CDH18: variants seen among roughly 807,000 people sequenced by gnomAD.
The protein encoded by CDH18 is cadherin 18.
In CDH18, 31 loss-of-function variants were observed where a neutral mutation model predicts 67.9. The ratio of observed to expected loss-of-function variants is 0.46; its 90% CI spans 0.34 to 0.62. The LOEUF is 0.62. Among genes scored for constraint, CDH18 ranks in the 20% least tolerant of loss-of-function variants. The pLI is 0.01. For synonymous variants in CDH18, 362 were observed against 347.2 expected (o/e 1.04, Z -0.48); for missense variants, 890 against 975.5 (o/e 0.91, Z 1.17).
intron 2 of CDH18, among the ~76,000 whole-genome samples, chr5:19,909,410 C>T (rs1023760836): frequency 2.0e-5 from 3 of 150,934 alleles, no homozygotes; most frequent in African/African-American, 7.3e-5. Flanking sequence ...AGTGATTCTC[C>T]TGACTCAGCC....
At chr5:20,432,954 T>C (rs1189733810) in intron 1 of CDH18, among the ~76,000 whole-genome samples, 2 of 148,826 alleles carry the variant, frequency 1.3e-5, no homozygotes, top group African/African-American at 4.9e-5. Context: ...ACATATATAA[T>C]GTATATTTTA....
rs141152727 is a variant in CDH18 at position 19,756,353 on chromosome 5, G to A, written c.229-9117C>T. Among the ~76,000 whole-genome samples the A allele has an allele frequency of 1.9e-3, 294 of 152,332 alleles. 4 individuals are homozygous for A. The highest frequency in any genetic ancestry group is 6.8e-3 in the African/African-American group (284 of 41,578). On this transcript the variant is annotated intron_variant, in intron 3 of 12. Coordinates refer to ENST00000382275, the MANE Select transcript of CDH18 (RefSeq NM_004934.5). ...AGTCCCCATTGCTGCAGATGGTCAC[G>A]TGGTCGTAGCTGGTATTGATGACTA...
intron 5 of CDH18, among the ~76,000 whole-genome samples, chr5:19,629,883 T>C (rs1445085931): frequency 6.6e-6 from 1 of 152,154 alleles, no homozygotes; most frequent in African/African-American, 2.4e-5. Context: ...GAAAAAAATT[T>C]GTAGAAGAAA....
chr5:19,520,716 G>A lies in CDH18; in HGVS notation c.1453C>T (p.Pro485Ser). Reference protein sequence around the residue: ...GIRVLDVNDNPPELAREYDII... With the variant: ...GIRVLDVNDNSPELAREYDII... ...TCATATTCCCTGGCAAGTTCGGGTG[G>A]ATTGTCATTGACATCCAGAACTCTA... The change falls in exon 10 of 13, where the codon CCA (proline) becomes TCA (serine). Residue 485 changes from proline (P) to serine (S), a missense_variant. Transcript: ENST00000382275. The A allele has an allele frequency of 6.2e-7, 1 of 1,613,224 alleles. No individual in the cohort carries two copies. Among genetic ancestry groups the A allele is most frequent in the Non-Finnish European group, 8.5e-7 (1 of 1,179,374 alleles).
At chr5:19,660,589 C>T (rs979324136) in intron 5 of CDH18, among the ~76,000 whole-genome samples, 2 of 152,040 alleles carry the variant, frequency 1.3e-5, no homozygotes, top group African/African-American at 4.8e-5. Context: ...ATATACATTT[C>T]GGGCTGTACT....
intron 5 of CDH18, among the ~76,000 whole-genome samples, chr5:19,669,117 A>T (rs1203382014): frequency 1.4e-5 from 2 of 146,956 alleles, no homozygotes; most frequent in Admixed American, 6.9e-5. Flanking sequence ...TATATATATA[A>T]TATATATTAT....
intron 5 of CDH18, among the ~76,000 whole-genome samples, chr5:19,706,057 G>A (rs983183720): frequency 1.1e-4 from 17 of 152,140 alleles, no homozygotes; most frequent in African/African-American, 2.9e-4. Flanking sequence ...AGTGGAGCTC[G>A]TAGCTGTAAT....
Position 20,505,362 on chromosome 5 carries a change from C to A in CDH18, c.-580+70100G>T, listed in dbSNP as rs144179746. Among the ~76,000 whole-genome samples, 308 of 152,198 alleles carry A rather than the reference C, an allele frequency of 2.0e-3. 1 individual carries two copies. Among genetic ancestry groups the A allele is most frequent in the African/African-American group, 6.9e-3 (286 of 41,518 alleles). On this transcript the variant is annotated intron_variant, in intron 1 of 14. Coordinates refer to the CDH18 transcript ENST00000507958. ...AGTATAGTGTTCAATTTAACATTTT[C>A]TATATATCAGATTAAGATGGCATAT...
At chr5:19,645,799 G>A (rs1030708197) in intron 5 of CDH18, among the ~76,000 whole-genome samples, 14 of 152,194 alleles carry the variant, frequency 9.2e-5, no homozygotes, top group Admixed American at 3.3e-4. Context: ...CAACGCTATC[G>A]ATGAGGTGAG....
At chr5:20,148,150 G>C (rs933179970) in intron 2 of CDH18, among the ~76,000 whole-genome samples, 1 of 150,846 alleles carries the variant, frequency 6.6e-6, no homozygotes, top group Non-Finnish European at 1.5e-5. Flanking sequence ...GGAGTGTAGC[G>C]GTGCGATCTT....
At chr5:19,927,008 C>G (rs12517892) in intron 2 of CDH18, among the ~76,000 whole-genome samples, 64,832 of 151,906 alleles carry the variant, frequency 0.43, 16,376 homozygotes, top group Middle Eastern at 0.64. Flanking sequence ...AGAATTGCTA[C>G]AGAATTGTTT....
intron 5 of CDH18, among the ~76,000 whole-genome samples, chr5:19,630,258 A>T (rs917148261): frequency 5.3e-5 from 8 of 152,090 alleles, no homozygotes; most frequent in East Asian, 1.9e-4. Context: ...TAGATTTTTT[A>T]AATTTTTTAT....
chr5:19,708,486 T>C (rs1376885554), intron 5 of CDH18, among the ~76,000 whole-genome samples: 1 of 152,064 alleles, frequency 6.6e-6, no homozygotes, highest in African/African-American at 2.4e-5. Flanking sequence ...GGCCCCCAAA[T>C]CTGGCCATAA....
chr5:20,245,112 T>G (rs1384956567), intron 2 of CDH18, among the ~76,000 whole-genome samples: 1 of 152,130 alleles, frequency 6.6e-6, no homozygotes, highest in Admixed American at 6.5e-5. Flanking sequence ...ATGGCTTTTC[T>G]TTTCCTTGCA....
chr5:20,574,787 A>G (rs1336515687), intron 1 of CDH18, among the ~76,000 whole-genome samples: 3 of 152,190 alleles, frequency 2.0e-5, no homozygotes, highest in Non-Finnish European at 4.4e-5. Flanking sequence ...CAAAACATTA[A>G]TTGATGCTAC....
intron 3 of CDH18, among the ~76,000 whole-genome samples, chr5:19,795,003 G>A (rs1044450402): frequency 6.6e-6 from 1 of 151,928 alleles, no homozygotes; most frequent in Non-Finnish European, 1.5e-5. Context: ...AACAGAAAAA[G>A]GCTACCCAGG....
chr5:19,729,751 G>A (rs1367773838), intron 4 of CDH18, among the ~76,000 whole-genome samples: 1 of 152,126 alleles, frequency 6.6e-6, no homozygotes, highest in African/African-American at 2.4e-5. Context: ...CAGAGTAAAT[G>A]GCTCTAGTGA....
At chr5:19,963,659 C>T (rs573061778) in intron 2 of CDH18, among the ~76,000 whole-genome samples, 1 of 152,156 alleles carries the variant, frequency 6.6e-6, no homozygotes, top group African/African-American at 2.4e-5. Flanking sequence ...CCTGAGGCCT[C>T]CCCAGCCATG....
chr5:20,146,224 C>A (rs1419753066), intron 2 of CDH18, among the ~76,000 whole-genome samples: 5 of 151,972 alleles, frequency 3.3e-5, no homozygotes, highest in African/African-American at 1.2e-4. Context: ...TCTTCCCAAC[C>A]CAGTTGCTCT....
Sources: gnomAD v4.1 joint callset for allele counts (sites outside exome capture counted in the v4.1 genomes callset) on GRCh38, gnomAD v4.1.1 for gene constraint, MANE v1.5 for transcripts, NCBI Gene and HGNC (gene_info 2026-07-23, HGNC 2026-07-21) for gene names.